Variants in SNTG1 observed in about 807,000 individuals in gnomAD.
The protein encoded by SNTG1 is syntrophin gamma 1.
Under a neutral mutation model 74.7 loss-of-function variants are expected in SNTG1, and 39 were observed. The observed-to-expected ratio is 0.52, with a 90% CI of 0.40 to 0.68. The LOEUF is 0.68. Among genes scored for constraint, SNTG1 ranks in the 30% least tolerant of loss-of-function variants. SNTG1 has a pLI of 0.00. For synonymous variants in SNTG1, 254 were observed against 217.1 expected (o/e 1.17, Z -1.49); for missense variants, 685 against 609.5 (o/e 1.12, Z -1.30).
intron 1 of SNTG1, among the ~76,000 whole-genome samples, chr8:50,118,086 C>G (rs1208200414): frequency 6.6e-6 from 1 of 152,106 alleles, no homozygotes; most frequent in Non-Finnish European, 1.5e-5. Flanking sequence ...GATTTATGAA[C>G]AATCTATTTG....
intron 13 of SNTG1, among the ~76,000 whole-genome samples, chr8:50,595,729 G>A (rs543303075): frequency 4.3e-4 from 66 of 152,098 alleles, no homozygotes; most frequent in African/African-American, 1.5e-3. Flanking sequence ...CATACTGTAT[G>A]TATGAATTTT....
chr8:50,011,570 G>A (rs1290299916), intron 1 of SNTG1, among the ~76,000 whole-genome samples: 2 of 151,524 alleles, frequency 1.3e-5, no homozygotes, highest in Admixed American at 6.6e-5. Flanking sequence ...ATCCAGTGCT[G>A]CCAAATTCTA....
chr8:50,480,661 C>G (rs938691962), intron 8 of SNTG1, among the ~76,000 whole-genome samples: 8 of 152,178 alleles, frequency 5.3e-5, no homozygotes, highest in Non-Finnish European at 1.0e-4. Flanking sequence ...GTGTTTCTTT[C>G]ACAGTGACCC....
chr8:50,764,745 ACT>A (rs2095609259), intron 18 of SNTG1, among the ~76,000 whole-genome samples: 1 of 151,868 alleles, frequency 6.6e-6, no homozygotes, highest in Non-Finnish European at 1.5e-5. Flanking sequence ...TAGAACCACC[ACT>A]CTGTGTAGAG....
chr8:50,254,864 A>AAAAGAAAG (rs1563803940), intron 2 of SNTG1, among the ~76,000 whole-genome samples: 2 of 147,344 alleles, frequency 1.4e-5, no homozygotes. Flanking sequence ...AAAAAAAAAA[A>AAAAGAAAG]AAAGAAAGAA....
intron 2 of SNTG1, among the ~76,000 whole-genome samples, chr8:50,221,670 A>AT (rs1181574818): frequency 1.4e-4 from 21 of 152,260 alleles, no homozygotes; most frequent in Admixed American, 1.1e-3. Flanking sequence ...CCATTTAAAA[A>AT]ATATATTTTT....
chr8:50,422,859 ATC>A (rs1474158316), intron 4 of SNTG1, among the ~76,000 whole-genome samples: 1 of 152,176 alleles, frequency 6.6e-6, no homozygotes, highest in Non-Finnish European at 1.5e-5. Flanking sequence ...TAGTCAGGTG[ATC>A]TCTCATTAGC....
chr8:50,185,572 T>C lies in SNTG1; in HGVS notation c.-28+12937T>C, dbSNP rs150413489. On this transcript the variant is annotated intron_variant, in intron 2 of 18. Transcript: ENST00000642720. ...GAGTAAGTTCCCACATAGACCATAC[T>C]GCTATGATAAATATAAATGTATATG... Among the ~76,000 whole-genome samples the C allele has an allele frequency of 1.9e-3, 293 of 152,314 alleles. 3 individuals are homozygous for C. Among genetic ancestry groups the C allele is most frequent in the Non-Finnish European group, 1.9e-4 (13 of 68,026 alleles).
chr8:50,759,131 T>C (rs963334220), intron 18 of SNTG1, among the ~76,000 whole-genome samples: 5 of 152,094 alleles, frequency 3.3e-5, no homozygotes, highest in Non-Finnish European at 7.4e-5. Flanking sequence ...TCTGTTCATA[T>C]AGTTTGCCAA....
At chr8:49,972,771 C>G (rs1045853212) in intron 1 of SNTG1, among the ~76,000 whole-genome samples, 1 of 152,190 alleles carries the variant, frequency 6.6e-6, no homozygotes, top group Non-Finnish European at 1.5e-5. Context: ...AAATGCTCAT[C>G]ATCACTGGCC....
At chr8:50,442,680 T>TAAAATAAAAAAAAAA in intron 5 of SNTG1, among the ~76,000 whole-genome samples, 1 of 81,170 alleles carries the variant, frequency 1.2e-5, no homozygotes, top group South Asian at 5.2e-4. Context: ...TGTCTATCAG[T>TAAAATAAAAAAAAAA]AAAAAAAAAA....
At chr8:50,472,190 C>T (rs971948511) in intron 8 of SNTG1, among the ~76,000 whole-genome samples, 8 of 152,018 alleles carry the variant, frequency 5.3e-5, no homozygotes, top group African/African-American at 1.7e-4. Context: ...ATAGAAAACT[C>T]CATTCTAAAA....
At chr8:50,257,695 G>A (rs909861749) in intron 2 of SNTG1, among the ~76,000 whole-genome samples, 5 of 152,106 alleles carry the variant, frequency 3.3e-5, no homozygotes, top group Non-Finnish European at 7.4e-5. Context: ...TTTCAATAAT[G>A]GAACACTAGA....
At position 50,730,613 on chromosome 8, in the gene SNTG1, A is replaced by G. The variant is rs185948682; in HGVS notation, c.1285-21388A>G. Among the ~76,000 whole-genome samples, 267 of 152,330 alleles carry G rather than the reference A, an allele frequency of 1.8e-3. 2 individuals carry two copies. Among genetic ancestry groups the G allele is most frequent in the Middle Eastern group, 6.8e-3 (2 of 294 alleles). ...AGCATATGTACCATTAATGGCATTG[A>G]AAAATCATTATAGACATTCATAAGG... On this transcript the variant is annotated intron_variant, in intron 17 of 18. Coordinates refer to ENST00000642720, the MANE Select transcript of SNTG1 (RefSeq NM_018967.5).
At chr8:50,746,121 A>G (rs187509372) in intron 17 of SNTG1, among the ~76,000 whole-genome samples, 102 of 152,096 alleles carry the variant, frequency 6.7e-4, no homozygotes, top group Non-Finnish European at 1.2e-3. Flanking sequence ...AAATTAGAAA[A>G]TAAGGAATTA....
intron 8 of SNTG1, among the ~76,000 whole-genome samples, chr8:50,472,715 CAAG>C (rs1394343202): frequency 6.6e-6 from 1 of 151,914 alleles, no homozygotes; most frequent in Non-Finnish European, 1.5e-5. Context: ...AGGACACAGT[CAAG>C]AGAGTGAAAA....
At chr8:50,753,044 T>A (rs1400415958) in intron 18 of SNTG1, among the ~76,000 whole-genome samples, 4 of 152,024 alleles carry the variant, frequency 2.6e-5, no homozygotes, top group African/African-American at 9.7e-5. Context: ...CCTTTGCCAC[T>A]GCATGTGTTT....
chr8:50,469,548 C>T (rs2093635105), intron 8 of SNTG1, among the ~76,000 whole-genome samples: 1 of 152,156 alleles, frequency 6.6e-6, no homozygotes, highest in African/African-American at 2.4e-5. Flanking sequence ...TCTAACCCAG[C>T]ATGTGCCAGC....
At chr8:50,206,394 C>T (rs2084239598) in intron 2 of SNTG1, among the ~76,000 whole-genome samples, 3 of 152,092 alleles carry the variant, frequency 2.0e-5, no homozygotes, top group Admixed American at 2.0e-4. Context: ...TGTAAGAATG[C>T]TTGTGATTTT....
Sources: gnomAD v4.1 joint callset for allele counts (sites outside exome capture counted in the v4.1 genomes callset) on GRCh38, gnomAD v4.1.1 for gene constraint, MANE v1.5 for transcripts, NCBI Gene and HGNC (gene_info 2026-07-23, HGNC 2026-07-21) for gene names.